Variants in TBC1D21 observed in about 807,000 individuals in gnomAD.
The protein encoded by TBC1D21 is TBC1 domain family member 21.
In TBC1D21, 38 loss-of-function variants were observed where a neutral mutation model predicts 46.0. That is an observed-to-expected ratio of 0.83 (90% CI 0.64 to 1.08). The LOEUF (loss-of-function observed/expected upper bound fraction) is 1.08. TBC1D21 is among the 50% of genes least tolerant of loss of function. The pLI, the probability that TBC1D21 is intolerant of heterozygous loss-of-function variation, is 0.00. For synonymous variants in TBC1D21, 151 were observed against 157.2 expected, an observed-to-expected ratio of 0.96 and a Z score of 0.29; for missense variants, 415 against 417.9, an observed-to-expected ratio of 0.99 and a Z score of 0.06.
intron 9 of TBC1D21, 65 bp downstream of exon 9, chr15:73,887,801 C>T (rs2068277946): frequency 7.2e-7 from 1 of 1,395,860 alleles, no homozygotes; most frequent in Non-Finnish European, 1.0e-6. Flanking sequence ...CACCCCACCC[C>T]AGCTGAAAGA....
chr15:73,895,429 C>T, the TBC1D21 span, among the ~76,000 whole-genome samples: 1 of 152,144 alleles, frequency 6.6e-6, no homozygotes, highest in African/African-American at 2.4e-5. Context: ...ATAGACCTCC[C>T]TACCCTCCCA....
At position 73,887,656 on chromosome 15, in the gene TBC1D21, G is replaced by A. The variant is rs749244661; in HGVS notation, c.814G>A (p.Val272Met). 2.5e-6 allele frequency: 4 copies of A among 1,614,100 alleles called. No homozygotes were observed. The highest frequency in any genetic ancestry group is 1.1e-5 in the South Asian group (1 of 91,088). The change falls in exon 9 of 11, where the codon GTG becomes ATG. Residue 272 changes from valine to methionine, a missense_variant. Transcript: ENST00000300504. Reference sequence around the variant, plus strand: ...GGGGAAGCCCTGCAGGAACTTCCAGGTGCTGGTGGCCTACAGCATGCTGCA... The same window carrying A: ...GGGGAAGCCCTGCAGGAACTTCCAGATGCTGGTGGCCTACAGCATGCTGCA... ...LTGKPCRNFQVLVAYSMLQMV... is the reference protein window; with the variant it reads ...LTGKPCRNFQMLVAYSMLQMV...
intron 6 of TBC1D21, 140 bp downstream of exon 6, chr15:73,885,243 G>A (rs2068224120): frequency 1.3e-6 from 1 of 757,500 alleles, no homozygotes; most frequent in East Asian, 2.6e-5. Flanking sequence ...CTGGGAGGGT[G>A]ACGCTAAACC....
chr15:73,899,723 G>A, the TBC1D21 span, among the ~76,000 whole-genome samples: 24 of 152,308 alleles, frequency 1.6e-4, no homozygotes, highest in South Asian at 4.8e-3. Flanking sequence ...TGGAGCCATA[G>A]AAGTCTCTGA....
At chr15:73,895,492 T>G in the TBC1D21 span, among the ~76,000 whole-genome samples, 69 of 152,288 alleles carry the variant, frequency 4.5e-4, no homozygotes, top group African/African-American at 1.4e-3. Context: ...CAAGTTCTAT[T>G]CTGAGCCGGC....
At chr15:73,879,232 G>C (rs28488210) in intron 1 of TBC1D21, among the ~76,000 whole-genome samples, 1,729 of 152,222 alleles carry the variant, frequency 0.011, 22 homozygotes, top group African/African-American at 0.04. Flanking sequence ...ATTTGAGAAG[G>C]AGCCTTGCTC....
chr15:73,887,599 C>T (rs1262653462), intron 8 of TBC1D21, 21 bp from the exon 9 acceptor site: 2 of 1,610,004 alleles, frequency 1.2e-6, no homozygotes, highest in East Asian at 2.2e-5. Context: ...AGGGCCCAGA[C>T]TGAGACGTCC....
At chr15:73,899,886 G>T in the TBC1D21 span, among the ~76,000 whole-genome samples, 1 of 152,192 alleles carries the variant, frequency 6.6e-6, no homozygotes, top group African/African-American at 2.4e-5. Context: ...TCTGTGGTTG[G>T]CCCCAGGGAG....
At chr15:73,881,842 A>G in intron 3 of TBC1D21, 95 bp downstream of exon 3, 1 of 1,147,894 alleles carries the variant, frequency 8.7e-7, no homozygotes, top group East Asian at 2.5e-5. Flanking sequence ...CCCCCATGCA[A>G]CTTCTTATTC....
chr15:73,888,798 A>G (rs1015515375), intron 10 of TBC1D21, among the ~76,000 whole-genome samples: 5 of 151,796 alleles, frequency 3.3e-5, no homozygotes, highest in African/African-American at 1.2e-4. Flanking sequence ...TGGCAGGTGC[A>G]TTCAACTTCA....
chr15:73,887,670 C>A lies in TBC1D21; in HGVS notation c.828C>A (p.Tyr276Ter). ...PCRNFQVLVA[Y>*]SMLQMVREQV... Reference sequence around the variant, plus strand: ...GGAACTTCCAGGTGCTGGTGGCCTACAGCATGCTGCAGATGGTGCGGGAGC... The same window carrying A: ...GGAACTTCCAGGTGCTGGTGGCCTAAAGCATGCTGCAGATGGTGCGGGAGC... Residue 276 changes from tyrosine to a stop codon, truncating the protein, a stop_gained, in exon 9 of 11, where the codon TAC becomes TAA. Coordinates refer to ENST00000300504, the MANE Select transcript of TBC1D21 (RefSeq NM_153356.3). LOFTEE classifies it high-confidence loss of function. 1 of 1,614,078 alleles carries A rather than the reference C, an allele frequency of 6.2e-7. No individual in the cohort carries two copies.
At chr15:73,895,892 C>T in the TBC1D21 span, among the ~76,000 whole-genome samples, 14 of 152,252 alleles carry the variant, frequency 9.2e-5, no homozygotes, top group East Asian at 1.2e-3. Flanking sequence ...CTTCTCTGCC[C>T]GGGCTCCTCA....
chr15:73,894,753 C>G, the TBC1D21 span, among the ~76,000 whole-genome samples: 1 of 152,202 alleles, frequency 6.6e-6, no homozygotes, highest in African/African-American at 2.4e-5. Flanking sequence ...CCCTGCCGAC[C>G]TTTCTCTGGA....
chr15:73,908,110 G>A, the TBC1D21 span: 2 of 152,198 alleles, frequency 1.3e-5, no homozygotes, highest in Admixed American at 6.5e-5. Flanking sequence ...CATTTATTGA[G>A]ATGAACAAAA....
downstream of TBC1D21, among the ~76,000 whole-genome samples, chr15:73,892,994 G>A (rs936526636): frequency 1.6e-4 from 25 of 152,168 alleles, no homozygotes; most frequent in African/African-American, 6.0e-4. Flanking sequence ...TGTCATTTAT[G>A]ATGGTGGAGG....
At chr15:73,876,180 T>C (rs1377782739) in intron 1 of TBC1D21, among the ~76,000 whole-genome samples, 1 of 142,886 alleles carries the variant, frequency 7.0e-6, no homozygotes, top group African/African-American at 2.6e-5. Flanking sequence ...GAAGGAAGAA[T>C]CAGTGACTTT....
chr15:73,891,295 G>C (rs1307948853), downstream of TBC1D21, among the ~76,000 whole-genome samples: 1 of 152,220 alleles, frequency 6.6e-6, no homozygotes, highest in African/African-American at 2.4e-5. Context: ...AAATCCTAGA[G>C]CCTAAGTTTG....
the TBC1D21 span, among the ~76,000 whole-genome samples, chr15:73,901,385 T>C: frequency 6.6e-6 from 1 of 152,254 alleles, no homozygotes; most frequent in Non-Finnish European, 1.5e-5. Flanking sequence ...TGCCCACCTC[T>C]GCTCTTCTCT....
intron 1 of TBC1D21, among the ~76,000 whole-genome samples, chr15:73,880,768 CG>C (rs1366493437): frequency 2.0e-5 from 3 of 151,986 alleles, no homozygotes; most frequent in African/African-American, 7.3e-5. Context: ...GACTCCGTCT[CG>C]AAAAATAAAA....
Sources: gnomAD v4.1 joint callset for allele counts (sites outside exome capture counted in the v4.1 genomes callset) on GRCh38, gnomAD v4.1.1 for gene constraint, MANE v1.5 for transcripts, NCBI Gene and HGNC (gene_info 2026-07-23, HGNC 2026-07-21) for gene names.